The following TANC2 variants were observed in gnomAD, a reference collection of about 807,000 sequenced individuals.
TANC2 encodes the protein protein TANC2.
In TANC2, 26 loss-of-function variants were observed where a neutral mutation model predicts 210.5. The ratio of observed to expected loss-of-function variants is 0.12; its 90% CI spans 0.09 to 0.17. The LOEUF (loss-of-function observed/expected upper bound fraction) is 0.17, where lower values mean the gene tolerates loss of function less well. Ranked by LOEUF, TANC2 falls within the 10% of genes least tolerant of loss-of-function variation. The pLI is 1.00. For missense variants in TANC2, 2,129 were observed against 2,608.9 expected (o/e 0.82, Z 4.01); for synonymous variants, 931 against 967.1 (o/e 0.96, Z 0.69).
At chr17:63,099,046 T>G (rs190751073) in intron 3 of TANC2, 129 bp from the exon 4 acceptor site, 3 of 886,648 alleles carry the variant, frequency 3.4e-6, no homozygotes, top group Non-Finnish European at 3.6e-6. Flanking sequence ...AATGAATGCA[T>G]GTAGTGAAAA....
chr17:63,000,457 CAGA>C (rs1303887386), intron 1 of TANC2, among the ~76,000 whole-genome samples: 2 of 152,050 alleles, frequency 1.3e-5, no homozygotes, highest in African/African-American at 4.8e-5. Flanking sequence ...AATAATATAG[CAGA>C]AGAAGACATT....
chr17:63,239,707 T>C (rs1404072207), intron 8 of TANC2, among the ~76,000 whole-genome samples: 1 of 152,210 alleles, frequency 6.6e-6, no homozygotes, highest in Non-Finnish European at 1.5e-5. Flanking sequence ...TAGAATGCTG[T>C]TGTTTTAGTC....
Position 63,405,315 on chromosome 17 carries a change from T to C in TANC2, c.3465+60T>C, listed in dbSNP as rs138455622. On this transcript the variant is annotated intron_variant, in intron 20 of 27. Transcript: ENST00000689528. ...GGACTGAGTTCTAGGTGAGGACTTC[T>C]GATGCACAGAGCAAAATGATCACAA... The C allele has an allele frequency of 3.4e-5, 49 of 1,459,620 alleles. No homozygotes were observed. In the East Asian group the frequency reaches 4.2e-4, roughly 13 times the overall value. The allele number at this position is 1,459,620 out of a possible 1,614,324, so 90.4% of individuals were successfully genotyped here.
At chr17:63,026,672 T>C (rs2034567964) in intron 2 of TANC2, among the ~76,000 whole-genome samples, 1 of 152,172 alleles carries the variant, frequency 6.6e-6, no homozygotes. Flanking sequence ...TGAATAACTA[T>C]TCAGAGATAA....
At chr17:63,277,249 C>T (rs1251791751) in intron 9 of TANC2, among the ~76,000 whole-genome samples, 2 of 151,598 alleles carry the variant, frequency 1.3e-5, no homozygotes, top group South Asian at 2.1e-4. Flanking sequence ...AATTAGCTTG[C>T]CTCCCTCCTC....
intron 2 of TANC2, among the ~76,000 whole-genome samples, chr17:63,039,887 A>G (rs1468212378): frequency 2.0e-5 from 3 of 152,138 alleles, no homozygotes; most frequent in African/African-American, 4.8e-5. Flanking sequence ...ATTTATATTT[A>G]TACTAAACAT....
chr17:63,423,327 G>T (rs922936410), exon 28 of TANC2: 1 of 152,212 alleles, frequency 6.6e-6, no homozygotes, highest in Admixed American at 6.5e-5. Context: ...TTGTCTAGAA[G>T]ACACATCTTC....
chr17:63,310,586 G>A (rs1362970480), intron 9 of TANC2, among the ~76,000 whole-genome samples: 1 of 152,166 alleles, frequency 6.6e-6, no homozygotes, highest in Non-Finnish European at 1.5e-5. Context: ...CACAAATTCA[G>A]TAAGACAAAC....
chr17:63,004,592 TAAAA>T (rs60120400), intron 1 of TANC2: 35 of 153,224 alleles, frequency 2.3e-4, no homozygotes, highest in Non-Finnish European at 3.2e-4. Context: ...AGCATAGCTT[TAAAA>T]AAAAAAAAAA....
chr17:63,426,753 G>A (rs2049155088), exon 28 of TANC2: 1 of 152,226 alleles, frequency 6.6e-6, no homozygotes, highest in African/African-American at 2.4e-5. Context: ...GGCCAGCGCC[G>A]CGCTCATTTT....
chr17:63,002,236 G>A (rs2033419554), intron 1 of TANC2, among the ~76,000 whole-genome samples: 1 of 152,192 alleles, frequency 6.6e-6, no homozygotes, highest in Non-Finnish European at 1.5e-5. Context: ...GGTAGAAGTA[G>A]TAAGGCATGA....
chr17:63,092,700 C>T (rs2037244427), intron 3 of TANC2, among the ~76,000 whole-genome samples: 2 of 151,994 alleles, frequency 1.3e-5, no homozygotes, highest in South Asian at 4.2e-4. Context: ...GGAGGTGATA[C>T]ATACTTTTAA....
At chr17:62,975,785 G>GTAA in intron 1 of TANC2, among the ~76,000 whole-genome samples, 1 of 151,922 alleles carries the variant, frequency 6.6e-6, no homozygotes, top group Non-Finnish European at 1.5e-5. Context: ...TATCTCACAG[G>GTAA]GTTTTTATGA....
exon 11 of TANC2, chr17:63,319,056 G>C: frequency 6.2e-7 from 1 of 1,613,422 alleles, no homozygotes; most frequent in Non-Finnish European, 8.5e-7. Context: ...ATGCGCAGGC[G>C]GCAGGAGGAG....
At chr17:63,354,805 T>G in exon 14 of TANC2, 1 of 1,575,732 alleles carries the variant, frequency 6.3e-7, no homozygotes, top group Non-Finnish European at 8.6e-7. Context: ...CTGCTGCCTT[T>G]CCATAGGATT....
At chr17:63,247,534 G>A in intron 8 of TANC2, among the ~76,000 whole-genome samples, 1 of 150,480 alleles carries the variant, frequency 6.6e-6, no homozygotes. Context: ...TGTTACATCT[G>A]TAGACTAGAC....
intron 1 of TANC2, chr17:62,967,011 G>C (rs2031381599): frequency 6.6e-6 from 1 of 152,318 alleles, no homozygotes; most frequent in Admixed American, 6.5e-5. Context: ...CTGGATGACG[G>C]GGACCAAGGA....
intron 3 of TANC2, among the ~76,000 whole-genome samples, chr17:63,092,761 G>A (rs1264585736): frequency 6.6e-6 from 1 of 152,012 alleles, no homozygotes; most frequent in Non-Finnish European, 1.5e-5. Context: ...AACAAGCTAT[G>A]AGGGATCCCC....
intron 2 of TANC2, among the ~76,000 whole-genome samples, chr17:63,064,756 T>C (rs2036133686): frequency 1.3e-5 from 2 of 152,120 alleles, no homozygotes; most frequent in African/African-American, 4.8e-5. Context: ...TATTAAGTTA[T>C]AATTTAAAAA....
Sources: allele counts gnomAD v4.1 joint callset (sites outside exome capture counted in the v4.1 genomes callset), GRCh38; gene constraint gnomAD v4.1.1; transcripts MANE v1.5; gene names NCBI Gene and HGNC (gene_info 2026-07-23, HGNC 2026-07-21).